CNTNAP4: variants seen among roughly 807,000 people sequenced by gnomAD.
The protein encoded by CNTNAP4 is contactin associated protein family member 4.
CNTNAP4 carries 98 observed loss-of-function variants against 148.4 expected under a neutral mutation model. The ratio of observed to expected loss-of-function variants is 0.66; its 90% confidence interval spans 0.56 to 0.78. The LOEUF is 0.78. Ranked by LOEUF, CNTNAP4 falls within the 30% of genes least tolerant of loss-of-function variation. The pLI is 0.00. For missense variants in CNTNAP4, 1,935 were observed against 1,565.6 expected, an observed-to-expected ratio of 1.24 and a Z score of -3.98; for synonymous variants, 730 against 565.1, an observed-to-expected ratio of 1.29 and a Z score of -4.14.
intron 4 of CNTNAP4, among the ~76,000 whole-genome samples, chr16:76,440,764 T>C (rs1328408006): frequency 6.6e-6 from 1 of 152,170 alleles, no homozygotes; most frequent in Non-Finnish European, 1.5e-5. Flanking sequence ...CAAGGGATTC[T>C]TTTCCATTGG....
At chr16:76,392,599 G>A (rs893351673) in intron 3 of CNTNAP4, among the ~76,000 whole-genome samples, 2 of 152,156 alleles carry the variant, frequency 1.3e-5, no homozygotes, top group African/African-American at 4.8e-5. Flanking sequence ...CACATGTAGT[G>A]CAGAGATTTA....
rs1379546097 is a variant in CNTNAP4 at position 76,506,584 on chromosome 16, C to T, written c.2365+7890C>T. Reference sequence around the variant, plus strand: ...CTCCTGGGTTCAAGTGATTCTCCTGCCTCAGCCTCCCAAGTAGCTCGGATT... The same window carrying T: ...CTCCTGGGTTCAAGTGATTCTCCTGTCTCAGCCTCCCAAGTAGCTCGGATT... On this transcript the variant is annotated intron_variant, in intron 15 of 23. Transcript: ENST00000611870. Among the ~76,000 whole-genome samples the T allele has an allele frequency of 2.3e-5, 2 of 88,402 alleles. 1 individual carries two copies. The highest frequency in any genetic ancestry group is 6.5e-5 in the Non-Finnish European group (2 of 30,996). 58.0% of individuals were successfully genotyped at this position (88,402 alleles called of 152,430 possible).
intron 3 of CNTNAP4, among the ~76,000 whole-genome samples, chr16:76,396,286 C>T (rs1041290803): frequency 4.6e-5 from 7 of 152,176 alleles, no homozygotes; most frequent in Admixed American, 2.6e-4. Context: ...ATTGCAGTAA[C>T]AGTTACTGCT....
chr16:76,284,995 T>G (rs186509487), intron 1 of CNTNAP4, among the ~76,000 whole-genome samples: 1 of 152,172 alleles, frequency 6.6e-6, no homozygotes, highest in Admixed American at 6.5e-5. Flanking sequence ...CATAGTTAGT[T>G]CATAGTTACT....
chr16:76,519,646 T>A (rs939101243), intron 15 of CNTNAP4, among the ~76,000 whole-genome samples: 1 of 152,206 alleles, frequency 6.6e-6, no homozygotes, highest in African/African-American at 2.4e-5. Context: ...TATTTTACAT[T>A]TTCTTGCATT....
chr16:76,428,900 T>C (rs983367503), intron 4 of CNTNAP4, among the ~76,000 whole-genome samples: 1 of 152,118 alleles, frequency 6.6e-6, no homozygotes, highest in African/African-American at 2.4e-5. Flanking sequence ...GGGTAACTAC[T>C]CCATTTACCT....
chr16:76,424,163 C>G (rs920546870), intron 3 of CNTNAP4, among the ~76,000 whole-genome samples: 3 of 152,122 alleles, frequency 2.0e-5, no homozygotes, highest in African/African-American at 7.2e-5. Context: ...AAGTGAAAGG[C>G]TGTCATTTGC....
At chr16:76,321,166 G>A (rs544586072) in intron 2 of CNTNAP4, among the ~76,000 whole-genome samples, 2 of 152,270 alleles carry the variant, frequency 1.3e-5, no homozygotes, top group South Asian at 4.1e-4. Context: ...GTTAAGCAAT[G>A]TTTTCCCAAT....
At position 76,415,668 on chromosome 16, in the gene CNTNAP4, G is replaced by T. The variant is rs761705815; in HGVS notation, c.391-11784G>T. Among the ~76,000 whole-genome samples the T allele has an allele frequency of 2.0e-5, 3 of 150,880 alleles. No homozygotes were observed. The Admixed American group carries it at 2.0e-4, about 10-fold the overall frequency. ...TAACCCCACAAAGAGGAATCAGAAT[G>T]TATCCATCACCCAACAGTTCCTTCA... On this transcript the variant is annotated intron_variant, in intron 3 of 23. Transcript: ENST00000611870.
At chr16:76,337,697 A>G (rs1285373136) in intron 2 of CNTNAP4, among the ~76,000 whole-genome samples, 3 of 152,170 alleles carry the variant, frequency 2.0e-5, no homozygotes, top group Non-Finnish European at 2.9e-5. Context: ...GCCTGAGGGT[A>G]CTGCAGGAGA....
At chr16:76,312,717 A>G (rs1961267703) in intron 1 of CNTNAP4, among the ~76,000 whole-genome samples, 1 of 152,170 alleles carries the variant, frequency 6.6e-6, no homozygotes, top group South Asian at 2.1e-4. Flanking sequence ...TACATAGTGG[A>G]TTCTGGACCG....
intron 3 of CNTNAP4, among the ~76,000 whole-genome samples, chr16:76,419,073 C>T (rs12929438): frequency 0.059 from 8,968 of 151,986 alleles, 337 homozygotes; most frequent in Middle Eastern, 0.13. Flanking sequence ...CTGTAATATT[C>T]CAACTCAATT....
At chr16:76,366,152 T>A (rs1260797138) in intron 3 of CNTNAP4, among the ~76,000 whole-genome samples, 3 of 152,208 alleles carry the variant, frequency 2.0e-5, no homozygotes, top group Non-Finnish European at 4.4e-5. Flanking sequence ...GAAATTTTTT[T>A]AAACTTTTAG....
At chr16:76,361,251 G>C (rs912180920) in intron 3 of CNTNAP4, among the ~76,000 whole-genome samples, 1 of 152,086 alleles carries the variant, frequency 6.6e-6, no homozygotes, top group Non-Finnish European at 1.5e-5. Flanking sequence ...GGACTCAATC[G>C]TTTTGCTTAA....
intron 3 of CNTNAP4, among the ~76,000 whole-genome samples, chr16:76,363,137 A>T (rs2144562283): frequency 1.3e-5 from 2 of 151,686 alleles, no homozygotes. Flanking sequence ...TCCACATGCA[A>T]AACAATGAAA....
intron 2 of CNTNAP4, among the ~76,000 whole-genome samples, chr16:76,327,338 A>G (rs565624911): frequency 2.6e-5 from 4 of 152,188 alleles, no homozygotes; most frequent in South Asian, 4.1e-4. Context: ...TTCTTTTAGG[A>G]TAACGGTTTC....
At chr16:76,362,191 T>G (rs2013519896) in intron 3 of CNTNAP4, among the ~76,000 whole-genome samples, 1 of 152,148 alleles carries the variant, frequency 6.6e-6, no homozygotes, top group South Asian at 2.1e-4. Flanking sequence ...GAATAAACTT[T>G]ACCATGGGAA....
At position 76,355,485 on chromosome 16, in the gene CNTNAP4, C is replaced by A. The variant is rs756869028; in HGVS notation, c.364C>A (p.Gln122Lys). 2 of 1,609,254 alleles carry A rather than the reference C, an allele frequency of 1.2e-6. No homozygotes were observed. Among genetic ancestry groups the A allele is most frequent in the Non-Finnish European group, 1.7e-6 (2 of 1,177,974 alleles). ...CAGTGATAGTGGCTGGAACTGGAAA[C>A]AATATCGCCAAGAGGACAGCATCTG... The part of the protein sequence containing the change: ...MFSDSGWNWK[Q>K]YRQEDSIWGF... Residue 122 changes from glutamine (Q) to lysine (K), a missense_variant, in exon 3 of 24, where the codon CAA (glutamine) becomes AAA (lysine). By Grantham distance (53) the Gln-to-Lys change is moderately conservative. Coordinates refer to ENST00000611870, the MANE Select transcript of CNTNAP4 (RefSeq NM_033401.5).
Position 76,448,188 on chromosome 16 carries a change from G to C in CNTNAP4, c.715G>C (p.Ala239Pro). 6.2e-7 allele frequency: 1 copy of C among 1,612,700 alleles called. No homozygotes were observed. The highest frequency in any genetic ancestry group is 8.5e-7 in the Non-Finnish European group (1 of 1,179,102). ...GDHITLQLRR[A>P]RLFLLINSGE... ...TCACATCACACTGCAATTAAGAAGAGCAAGACTCTTTTTACTTATTAATTC... is the reference window on the plus strand; with the variant it reads ...TCACATCACACTGCAATTAAGAAGACCAAGACTCTTTTTACTTATTAATTC... The change falls in exon 5 of 24, where the codon GCA (alanine) becomes CCA (proline). Residue 239 changes from alanine to proline, a missense_variant. Ala to Pro is a conservative substitution (Grantham distance 27). Transcript: ENST00000611870.
Sources: gnomAD v4.1 joint callset for allele counts (sites outside exome capture counted in the v4.1 genomes callset) on GRCh38, gnomAD v4.1.1 for gene constraint, MANE v1.5 for transcripts, NCBI Gene and HGNC (gene_info 2026-07-23, HGNC 2026-07-21) for gene names.